The following RBPJ variants were observed in gnomAD, a reference collection of about 807,000 sequenced individuals.
RBPJ encodes recombining binding protein suppressor of hairless.
In RBPJ, 9 loss-of-function variants were observed where a neutral mutation model predicts 67.8. The ratio of observed to expected loss-of-function variants is 0.13; its 90% CI spans 0.08 to 0.23. RBPJ has a LOEUF of 0.23. Ranked by LOEUF, RBPJ falls within the 10% of genes least tolerant of loss-of-function variation. The pLI, the probability that RBPJ is intolerant of heterozygous loss-of-function variation, is 1.00. For missense variants in RBPJ, 305 were observed against 595.6 expected (o/e 0.51, Z 5.08); for synonymous variants, 198 against 203.3 (o/e 0.97, Z 0.22).
intron 1 of RBPJ, among the ~76,000 whole-genome samples, chr4:26,334,531 C>T (rs1353498813): frequency 1.3e-5 from 2 of 152,124 alleles, no homozygotes; most frequent in Non-Finnish European, 2.9e-5. Flanking sequence ...GAGGATCAAA[C>T]GTGTGTATGC....
Position 26,332,851 on chromosome 4 carries a change from G to A in RBPJ, c.20+11803G>A, listed in dbSNP as rs11941651. ...TTGTAGAGACGGAGTCTCTCACTGT[G>A]ATGCCCAGGCTGGTTTCAAACTGCT... On this transcript the variant is annotated intron_variant, in intron 1 of 10. Coordinates refer to ENST00000355476, the MANE Select transcript of RBPJ (RefSeq NM_015874.6). Among the ~76,000 whole-genome samples, 930 of 152,242 alleles carry A rather than the reference G, an allele frequency of 6.1e-3. 13 individuals are homozygous for A. The highest frequency in any genetic ancestry group is 0.021 in the African/African-American group (881 of 41,544).
At chr4:26,347,900 C>T (rs936531164) in intron 1 of RBPJ, among the ~76,000 whole-genome samples, 2 of 151,676 alleles carry the variant, frequency 1.3e-5, no homozygotes, top group Non-Finnish European at 2.9e-5. Flanking sequence ...GGACATTTAC[C>T]AATTTGATTC....
In RBPJ at chr4:26,433,534, A is replaced by G. The variant is rs2788861; in HGVS notation, c.*2527A>G. The stretch of plus-strand genomic sequence containing the variant: ...ATGAACTTGTGTTTTTTTAACAAAC[A>G]TGTATGTTTTATTTTGATAGTTTCT... On this transcript the variant is annotated 3_prime_UTR_variant, in exon 11 of 11. Coordinates refer to ENST00000355476, the MANE Select transcript of RBPJ (RefSeq NM_015874.6). 0.99 allele frequency: 150,744 copies of G among 152,344 alleles called. 74,587 individuals carry two copies. The highest frequency in any genetic ancestry group is 1 in the Middle Eastern group (294 of 294). The allele number at this position is 152,344 out of a possible 1,614,324, so 9.4% of individuals were successfully genotyped here.
the RBPJ span, among the ~76,000 whole-genome samples, chr4:26,120,618 T>C: frequency 6.6e-6 from 1 of 151,612 alleles, no homozygotes; most frequent in African/African-American, 2.4e-5. Context: ...TATTGCTCAA[T>C]ACCATATTGT....
intron 1 of RBPJ, among the ~76,000 whole-genome samples, chr4:26,175,378 G>C (rs944821155): frequency 2.1e-5 from 3 of 145,028 alleles, no homozygotes; most frequent in African/African-American, 8.4e-5. Flanking sequence ...AGCTTGAGCT[G>C]GGGGGGGGAT....
chr4:26,343,210 G>A (rs1360242180), intron 1 of RBPJ: 2 of 152,220 alleles, frequency 1.3e-5, no homozygotes, highest in Admixed American at 1.3e-4. Flanking sequence ...CACAAACTGA[G>A]AGTTTCTGTT....
the RBPJ span, among the ~76,000 whole-genome samples, chr4:26,140,177 C>G: frequency 3.3e-5 from 5 of 152,158 alleles, no homozygotes; most frequent in Non-Finnish European, 7.3e-5. Flanking sequence ...TTTGCTAATA[C>G]TGTTACCACA....
chr4:26,319,761 C>T, upstream of RBPJ: 1 of 1,037,546 alleles, frequency 9.6e-7, no homozygotes, highest in Non-Finnish European at 1.5e-6. Context: ...TCCTGCAGCG[C>T]CTTCAACAGG....
At chr4:26,337,519 G>C (rs1022340905) in intron 1 of RBPJ, among the ~76,000 whole-genome samples, 1 of 148,068 alleles carries the variant, frequency 6.8e-6, no homozygotes, top group East Asian at 2.0e-4. Flanking sequence ...CTTTGAGGTT[G>C]TTTCCAACTT....
intron 7 of RBPJ, among the ~76,000 whole-genome samples, chr4:26,425,292 A>G (rs192784985): frequency 3.3e-5 from 5 of 152,320 alleles, no homozygotes; most frequent in Non-Finnish European, 7.4e-5. Flanking sequence ...TCAATAGAAG[A>G]CATTGAAACT....
rs187026018 is a variant in RBPJ at position 26,314,348 on chromosome 4, C to T, written c.-166-48098C>T. ...GTAATTTTACATGTGTGGGCATATT[C>T]ATAGGATAAACTTCTAGAAATGGAA... On this transcript the variant is annotated intron_variant, in intron 1 of 4. Coordinates refer to the RBPJ transcript ENST00000512351. Among the ~76,000 whole-genome samples, 30 of 152,148 alleles carry T rather than the reference C, an allele frequency of 2.0e-4. 1 individual carries two copies. Among genetic ancestry groups the T allele is most frequent in the African/African-American group, 7.2e-4 (30 of 41,506 alleles).
At chr4:26,277,709 G>A (rs1721130452) in intron 1 of RBPJ, among the ~76,000 whole-genome samples, 1 of 152,186 alleles carries the variant, frequency 6.6e-6, no homozygotes, top group Non-Finnish European at 1.5e-5. Flanking sequence ...GCAAGTGTTA[G>A]TCAGAGGGAG....
chr4:26,140,715 C>T, the RBPJ span, among the ~76,000 whole-genome samples: 1 of 144,878 alleles, frequency 6.9e-6, no homozygotes, highest in African/African-American at 2.5e-5. Flanking sequence ...GGTCTGGGTC[C>T]AGCACCGCCC....
At chr4:26,261,209 T>C (rs1720520470) in intron 1 of RBPJ, among the ~76,000 whole-genome samples, 1 of 151,406 alleles carries the variant, frequency 6.6e-6, no homozygotes, top group South Asian at 2.1e-4. Flanking sequence ...TACTTAAAGG[T>C]AGAAGTAAAA....
chr4:26,350,805 A>G (rs1051383913), intron 1 of RBPJ, among the ~76,000 whole-genome samples: 9 of 152,180 alleles, frequency 5.9e-5, no homozygotes, highest in African/African-American at 1.4e-4. Flanking sequence ...GGTTGCCATC[A>G]TTTAATATGG....
At chr4:26,383,358 A>C (rs571230847) in intron 1 of RBPJ, among the ~76,000 whole-genome samples, 2 of 152,222 alleles carry the variant, frequency 1.3e-5, no homozygotes. Flanking sequence ...TAGCCATGTA[A>C]TTAAACCTGT....
chr4:26,316,808 A>G (rs1722662633), upstream of RBPJ, among the ~76,000 whole-genome samples: 1 of 126,094 alleles, frequency 7.9e-6, no homozygotes, highest in South Asian at 2.5e-4. Context: ...AGCCTCATCT[A>G]CTGGTCTAAC....
chr4:26,185,523 A>T (rs1450079052), intron 1 of RBPJ, among the ~76,000 whole-genome samples: 1 of 152,138 alleles, frequency 6.6e-6, no homozygotes, highest in East Asian at 1.9e-4. Flanking sequence ...AATTTTGGGG[A>T]TGGTTTGATG....
At chr4:26,250,967 C>T (rs775656653) in intron 1 of RBPJ, among the ~76,000 whole-genome samples, 3 of 152,136 alleles carry the variant, frequency 2.0e-5, no homozygotes, top group East Asian at 1.9e-4. Context: ...ATGATGTAAA[C>T]GCATTTCTTA....
Sources: allele counts gnomAD v4.1 joint callset (sites outside exome capture counted in the v4.1 genomes callset), GRCh38; gene constraint gnomAD v4.1.1; transcripts MANE v1.5; gene names NCBI Gene and HGNC (gene_info 2026-07-23, HGNC 2026-07-21).